The following GLP2R variants were observed in gnomAD, a reference collection of about 807,000 sequenced individuals.
The protein encoded by GLP2R is glucagon like peptide 2 receptor.
GLP2R carries 59 observed loss-of-function variants against 68.2 expected under a neutral mutation model. The ratio of observed to expected loss-of-function variants is 0.87; its 90% CI spans 0.70 to 1.07. GLP2R has a LOEUF of 1.07. GLP2R is among the 50% of genes least tolerant of loss of function. GLP2R has a pLI of 0.00. For synonymous variants in GLP2R, 270 were observed against 265.4 expected (o/e 1.02, Z -0.17); for missense variants, 548 against 677.4 (o/e 0.81, Z 2.12).
At chr17:9,843,435 A>T (rs1047898616) in intron 4 of GLP2R, among the ~76,000 whole-genome samples, 1 of 152,198 alleles carries the variant, frequency 6.6e-6, no homozygotes, top group Non-Finnish European at 1.5e-5. Context: ...GTGAGGATTT[A>T]GTCATCAGAC....
At chr17:9,851,675 C>CA (rs2066892571) in intron 4 of GLP2R, among the ~76,000 whole-genome samples, 1 of 150,538 alleles carries the variant, frequency 6.6e-6, no homozygotes, top group African/African-American at 2.4e-5. Context: ...ACCACCACTG[C>CA]AAAAAATGAT....
intron 2 of GLP2R, among the ~76,000 whole-genome samples, chr17:9,835,235 G>A (rs1386616670): frequency 2.0e-5 from 3 of 151,960 alleles, no homozygotes; most frequent in South Asian, 4.2e-4. Flanking sequence ...CACCATGTTG[G>A]CCAGGATGGT....
chr17:9,840,674 G>C (rs777864332), intron 3 of GLP2R, among the ~76,000 whole-genome samples: 47 of 152,208 alleles, frequency 3.1e-4, no homozygotes, highest in Admixed American at 4.6e-4. Context: ...GGGATGGGAT[G>C]GTTGGAGTGG....
chr17:9,858,434 T>C (rs1466516864), intron 6 of GLP2R, among the ~76,000 whole-genome samples: 1 of 152,232 alleles, frequency 6.6e-6, no homozygotes, highest in Admixed American at 6.5e-5. Flanking sequence ...TTGCCATTCA[T>C]GAGAAAGATT....
chr17:9,889,633 G>C lies in GLP2R; in HGVS notation c.1590G>C (p.Leu530=). The C allele has an allele frequency of 1.9e-6, 3 of 1,612,516 alleles. No individual in the cohort carries two copies. In the East Asian group the frequency reaches 6.7e-5, roughly 36 times the overall value. Residue 530 remains leucine, a synonymous_variant, in exon 13 of 13, where the codon CTG becomes CTC. Coordinates refer to ENST00000262441, the MANE Select transcript of GLP2R (RefSeq NM_004246.3). ...DHARWPRGSS[L]SECSEGDVTM... ...CACGCTGGCCCCGGGGCAGCAGCCT[G>C]TCCGAGTGCAGTGAGGGGGATGTCA...
At chr17:9,885,181 A>ATTG (rs1461211214) in intron 11 of GLP2R, among the ~76,000 whole-genome samples, 1 of 148,562 alleles carries the variant, frequency 6.7e-6, no homozygotes, top group Non-Finnish European at 1.5e-5. Context: ...TATTATTATT[A>ATTG]TTATTACCAT....
At chr17:9,879,271 TA>T (rs1166500323) in intron 10 of GLP2R, among the ~76,000 whole-genome samples, 1 of 16,624 alleles carries the variant, frequency 6.0e-5, no homozygotes. Flanking sequence ...TAAAATAAAA[TA>T]AAATAAAATA....
chr17:9,878,244 G>A (rs772209408), intron 10 of GLP2R, among the ~76,000 whole-genome samples: 12 of 152,170 alleles, frequency 7.9e-5, no homozygotes, highest in Non-Finnish European at 1.6e-4. Context: ...GCAAGAATTT[G>A]AGCCCAGTGT....
chr17:9,844,225 C>G (rs1007945515), intron 4 of GLP2R, among the ~76,000 whole-genome samples: 1 of 152,176 alleles, frequency 6.6e-6, no homozygotes, highest in African/African-American at 2.4e-5. Flanking sequence ...TGGTGAAGGC[C>G]TCCTGTGCCC....
In GLP2R at chr17:9,842,597, A is replaced by G; in HGVS notation, c.485A>G (p.Asn162Ser). 6.2e-7 allele frequency: 1 copy of G among 1,613,900 alleles called. No individual in the cohort carries two copies. Among genetic ancestry groups the G allele is most frequent in the Non-Finnish European group, 8.5e-7 (1 of 1,179,996 alleles). Residue 162 changes from asparagine to serine, a missense_variant, in exon 4 of 13, where the codon AAC becomes AGC. Asn to Ser is a conservative substitution (Grantham distance 46, BLOSUM62 1). Coordinates refer to ENST00000262441, the MANE Select transcript of GLP2R (RefSeq NM_004246.3). ...CAGGATGACTCCGAATGCTCCGAGA[A>G]CCACAGCTTCAAGCAAAACGTGAGT... Reference protein sequence around the residue: ...IWQDDSECSENHSFKQNVDRY... With the variant: ...IWQDDSECSESHSFKQNVDRY...
At chr17:9,885,607 A>G (rs1412055651) in intron 11 of GLP2R, among the ~76,000 whole-genome samples, 1 of 151,886 alleles carries the variant, frequency 6.6e-6, no homozygotes, top group African/African-American at 2.4e-5. Flanking sequence ...TGGATATCTC[A>G]CAGCATGGCG....
At position 9,890,993 on chromosome 17, in the gene GLP2R, C is replaced by T. The variant is rs1156859220; in HGVS notation, c.*1288C>T. The T allele has an allele frequency of 6.6e-6, 1 of 152,200 alleles. No homozygotes were observed. The highest frequency in any genetic ancestry group is 1.5e-5 in the Non-Finnish European group (1 of 68,046). 9.4% of individuals were successfully genotyped at this position (152,200 alleles called of 1,614,324 possible). A position where few individuals can be genotyped will look rare whatever the true frequency, so the allele number is the denominator to read the frequency against. ...ATCCTTTGGAAACAGTGTGTTAATG[C>T]ACAGGAGTGTCACTTTCATGGTATG... is the stretch of plus-strand genomic sequence containing the variant. On this transcript the variant is annotated 3_prime_UTR_variant, in exon 13 of 13. Coordinates refer to ENST00000262441, the MANE Select transcript of GLP2R (RefSeq NM_004246.3).
At chr17:9,850,294 C>A (rs997759741) in intron 4 of GLP2R, among the ~76,000 whole-genome samples, 1 of 152,176 alleles carries the variant, frequency 6.6e-6, no homozygotes, top group Non-Finnish European at 1.5e-5. Flanking sequence ...GAACAAAATC[C>A]TGTAAAAAAG....
At chr17:9,843,730 G>C (rs920556872) in intron 4 of GLP2R, among the ~76,000 whole-genome samples, 1 of 152,252 alleles carries the variant, frequency 6.6e-6, no homozygotes, top group African/African-American at 2.4e-5. Flanking sequence ...CAATGCAAGA[G>C]GCTGCACAAA....
intron 1 of GLP2R, among the ~76,000 whole-genome samples, chr17:9,829,922 T>C (rs571570728): frequency 4.6e-5 from 7 of 152,262 alleles, no homozygotes; most frequent in Non-Finnish European, 1.0e-4. Flanking sequence ...TTCCTTTTCC[T>C]TAATCCCTTC....
intron 9 of GLP2R, among the ~76,000 whole-genome samples, chr17:9,865,068 G>A (rs1247597189): frequency 1.3e-5 from 2 of 152,022 alleles, no homozygotes; most frequent in African/African-American, 2.4e-5. Context: ...AGCTTGTGGT[G>A]GACTCCTCAT....
At chr17:9,871,431 T>G (rs893823093) in intron 10 of GLP2R, among the ~76,000 whole-genome samples, 1 of 152,108 alleles carries the variant, frequency 6.6e-6, no homozygotes, top group Non-Finnish European at 1.5e-5. Flanking sequence ...GTTGCCTTCC[T>G]TGGGGAAGGA....
chr17:9,881,262 C>A (rs1462433618), intron 11 of GLP2R, among the ~76,000 whole-genome samples: 1 of 151,792 alleles, frequency 6.6e-6, no homozygotes, highest in African/African-American at 2.4e-5. Context: ...TCTGAGGCCT[C>A]ATTTCTCAGT....
intron 10 of GLP2R, among the ~76,000 whole-genome samples, chr17:9,875,717 C>A (rs558726598): frequency 1.3e-5 from 2 of 152,206 alleles, no homozygotes; most frequent in Non-Finnish European, 1.5e-5. Flanking sequence ...CCTAGGAATG[C>A]GGACAGAGTT....
Sources: allele counts gnomAD v4.1 joint callset (sites outside exome capture counted in the v4.1 genomes callset), GRCh38; gene constraint gnomAD v4.1.1; transcripts MANE v1.5; gene names NCBI Gene and HGNC (gene_info 2026-07-23, HGNC 2026-07-21).